Variants in DMRTA1 observed in about 807,000 individuals in gnomAD.
DMRTA1 encodes the protein doublesex- and mab-3-related transcription factor A1.
DMRTA1 carries 34 observed loss-of-function variants against 35.2 expected under a neutral mutation model. The observed-to-expected ratio is 0.97, with a 90% CI of 0.74 to 1.29. The LOEUF (loss-of-function observed/expected upper bound fraction) is 1.29, where lower values mean the gene tolerates loss of function less well. DMRTA1 is among the 50% of genes most tolerant of loss of function. The pLI, the probability that DMRTA1 is intolerant of heterozygous loss-of-function variation, is 0.00. For synonymous variants in DMRTA1, 344 were observed against 276.6 expected, an observed-to-expected ratio of 1.24 and a Z score of -2.42; for missense variants, 824 against 644.6, an observed-to-expected ratio of 1.28 and a Z score of -3.01.
intron 1 of DMRTA1, 23 bp from the exon 2 acceptor site, chr9:22,451,039 ATT>A (rs370079512): frequency 6.3e-7 from 1 of 1,578,844 alleles, no homozygotes; most frequent in Non-Finnish European, 8.6e-7. Context: ...CCTGTATTTG[ATT>A]TTTTTTTCCC....
In DMRTA1 at chr9:22,447,333, G is replaced by A. The variant is rs866228763; in HGVS notation, c.268G>A (p.Gly90Ser). 2.0e-6 allele frequency: 3 copies of A among 1,529,886 alleles called. No homozygotes were observed. The Middle Eastern group carries it at 5.2e-4, about 263-fold the overall frequency. 94.8% of individuals were successfully genotyped at this position (1,529,886 alleles called of 1,614,324 possible). The change falls in exon 1 of 2, where the codon GGC becomes AGC. Residue 90 changes from glycine (G) to serine (S), a missense_variant. By Grantham distance (56) the Gly-to-Ser change is moderately conservative (BLOSUM62 0). Coordinates refer to ENST00000325870, the MANE Select transcript of DMRTA1 (RefSeq NM_022160.3). Reference protein sequence around the residue: ...LESGVGAVGCGYPRTPKCARC... With the variant: ...LESGVGAVGCSYPRTPKCARC... ...GAGCGGGGTAGGCGCGGTGGGCTGCGGCTACCCGCGGACGCCCAAGTGCGC... is the reference window on the plus strand; with the variant it reads ...GAGCGGGGTAGGCGCGGTGGGCTGCAGCTACCCGCGGACGCCCAAGTGCGC...
Position 22,451,251 on chromosome 9 carries a change from A to G in DMRTA1, c.855A>G (p.Gln285=), listed in dbSNP as rs1818921588. ...TCCTGTCTCCTCATCCTGGAGAGCAATCAGGAGGTGAAGAGAGTCCCAGGT... is the reference window on the plus strand; with the variant it reads ...TCCTGTCTCCTCATCCTGGAGAGCAGTCAGGAGGTGAAGAGAGTCCCAGGT... ...DSILSPHPGE[Q]SGGEESPRSL... Residue 285 remains glutamine (Q), a synonymous_variant, in exon 2 of 2, where the codon CAA becomes CAG. Coordinates refer to ENST00000325870, the MANE Select transcript of DMRTA1 (RefSeq NM_022160.3). The G allele has an allele frequency of 1.9e-6, 3 of 1,614,080 alleles. No individual in the cohort carries two copies. The highest frequency in any genetic ancestry group is 1.7e-6 in the Non-Finnish European group (2 of 1,179,948).
At position 22,452,086 on chromosome 9, in the gene DMRTA1, C is replaced by T. The variant is rs200626982; in HGVS notation, c.*175C>T. 2.1e-6 allele frequency: 1 copy of T among 485,044 alleles called. No homozygotes were observed. The highest frequency in any genetic ancestry group is 3.3e-6 in the Non-Finnish European group (1 of 302,646). 30.0% of individuals were successfully genotyped at this position (485,044 alleles called of 1,614,324 possible). On this transcript the variant is annotated 3_prime_UTR_variant, in exon 2 of 2. Coordinates refer to ENST00000325870, the MANE Select transcript of DMRTA1 (RefSeq NM_022160.3). Reference sequence around the variant, plus strand: ...ATATAATAGGTCTTAGATCTGAAAACTCTTCATTAGGATTTATCAAGTGAA... The same window carrying T: ...ATATAATAGGTCTTAGATCTGAAAATTCTTCATTAGGATTTATCAAGTGAA...
chr9:22,447,038 G>A lies in DMRTA1; in HGVS notation c.-28G>A. 6.3e-7 allele frequency: 1 copy of A among 1,597,456 alleles called. No homozygotes were observed. Among genetic ancestry groups the A allele is most frequent in the Non-Finnish European group, 8.5e-7 (1 of 1,172,944 alleles). Reference sequence around the variant, plus strand: ...GCTGCGGTCAGCGCACTTTCCACTTGGGACTCCCGGCCAGAAATTTCTCGG... The same window carrying A: ...GCTGCGGTCAGCGCACTTTCCACTTAGGACTCCCGGCCAGAAATTTCTCGG... On this transcript the variant is annotated 5_prime_UTR_variant, in exon 1 of 2. Coordinates refer to ENST00000325870, the MANE Select transcript of DMRTA1 (RefSeq NM_022160.3).
In DMRTA1 at chr9:22,451,918, T is replaced by A; in HGVS notation, c.*7T>A. Reference sequence around the variant, plus strand: ...AAATCAGGACAATCCGTAATGTATATGCCCATTCTCTCTTTCTGGAGTTTT... The same window carrying A: ...AAATCAGGACAATCCGTAATGTATAAGCCCATTCTCTCTTTCTGGAGTTTT... On this transcript the variant is annotated 3_prime_UTR_variant, in exon 2 of 2. Coordinates refer to ENST00000325870, the MANE Select transcript of DMRTA1 (RefSeq NM_022160.3). 2 of 1,612,584 alleles carry A rather than the reference T, an allele frequency of 1.2e-6. No individual in the cohort carries two copies. The highest frequency in any genetic ancestry group is 1.7e-6 in the Non-Finnish European group (2 of 1,178,896).
rs140941317 is a variant in DMRTA1, at chr9:22,448,781, C to G, written c.667+1049C>G. On this transcript the variant is annotated intron_variant, in intron 1 of 1. Coordinates refer to ENST00000325870, the MANE Select transcript of DMRTA1 (RefSeq NM_022160.3). ...TGAAGTTCTACTCACACAGTACATT[C>G]GAAAAATTCTGTGAATTGAAATGAG... Among the ~76,000 whole-genome samples the G allele has an allele frequency of 2.0e-4, 30 of 152,230 alleles. No individual in the cohort carries two copies. The East Asian group carries it at 2.9e-3, about 15-fold the overall frequency.
rs1040381552 is a variant in DMRTA1, at chr9:22,450,177, A to G, written c.668-887A>G. Among the ~76,000 whole-genome samples, 5 of 152,162 alleles carry G rather than the reference A, an allele frequency of 3.3e-5. No homozygotes were observed. In the South Asian group the frequency reaches 6.2e-4, roughly 19 times the overall value. ...AAAAACCAGAACTTTGTGTAAAAGT[A>G]CTTTTGGAAAATTGCCCCTAACATT... On this transcript the variant is annotated intron_variant, in intron 1 of 1. Coordinates refer to ENST00000325870, the MANE Select transcript of DMRTA1 (RefSeq NM_022160.3).
rs1201112439 is a variant in DMRTA1, at chr9:22,454,960, A to G, written c.*3049A>G. 1 of 152,208 alleles carries G rather than the reference A, an allele frequency of 6.6e-6. No individual in the cohort carries two copies. Among genetic ancestry groups the G allele is most frequent in the South Asian group, 2.1e-4 (1 of 4,836 alleles). 9.4% of individuals were successfully genotyped at this position (152,208 alleles called of 1,614,324 possible). A position where few individuals can be genotyped will look rare whatever the true frequency, so the allele number is the denominator to read the frequency against. Reference sequence around the variant, plus strand: ...ATTTTGTAGCTCATTAGAAACATGGAAAGTATTTGTTAAATAAATAAGTCA... The same window carrying G: ...ATTTTGTAGCTCATTAGAAACATGGGAAGTATTTGTTAAATAAATAAGTCA... On this transcript the variant is annotated 3_prime_UTR_variant, in exon 2 of 2. Coordinates refer to ENST00000325870, the MANE Select transcript of DMRTA1 (RefSeq NM_022160.3).
In DMRTA1 at chr9:22,453,729, AC is replaced by A. The variant is rs1818965813; in HGVS notation, c.*1819del. The A allele has an allele frequency of 6.6e-6, 1 of 152,060 alleles. No individual in the cohort carries two copies. The highest frequency in any genetic ancestry group is 2.4e-5 in the African/African-American group (1 of 41,426). 9.4% of individuals were successfully genotyped at this position (152,060 alleles called of 1,614,324 possible). A position where few individuals can be genotyped will look rare whatever the true frequency, so the allele number is the denominator to read the frequency against. On this transcript the variant is annotated 3_prime_UTR_variant, in exon 2 of 2. Coordinates refer to ENST00000325870, the MANE Select transcript of DMRTA1 (RefSeq NM_022160.3). The stretch of plus-strand genomic sequence containing the variant: ...GACACACAGTTTTGCATACAATTTC[AC>A]TGGGTTCTTGAATCTCCTAAATGGT...
chr9:22,447,300 G>C lies in DMRTA1; in HGVS notation c.235G>C (p.Gly79Arg), dbSNP rs1404241065. 4 of 1,516,118 alleles carry C rather than the reference G, an allele frequency of 2.6e-6. No homozygotes were observed. The highest frequency in any genetic ancestry group is 3.5e-6 in the Non-Finnish European group (4 of 1,137,282). 93.9% of individuals were successfully genotyped at this position (1,516,118 alleles called of 1,614,324 possible). A position where few individuals can be genotyped will look rare whatever the true frequency, so the allele number is the denominator to read the frequency against. ...AAGCGGAGGCTGCCCGCCGGCTCCC[G>C]GGCTGGAGAGCGGGGTAGGCGCGGT... ...SGSGGCPPAP[G>R]LESGVGAVGC... is the part of the protein sequence containing the mutation. The change falls in exon 1 of 2, where the codon GGG (glycine) becomes CGG (arginine). Residue 79 changes from glycine to arginine, a missense_variant. By Grantham distance (125) the Gly-to-Arg change is moderately radical. Coordinates refer to ENST00000325870, the MANE Select transcript of DMRTA1 (RefSeq NM_022160.3).
intron 1 of DMRTA1, among the ~76,000 whole-genome samples, chr9:22,448,428 G>T (rs1316794398): frequency 6.6e-6 from 1 of 152,134 alleles, no homozygotes; most frequent in Admixed American, 6.5e-5. Context: ...TAAAACCATA[G>T]GTAAGAATTT....
rs1175926507 is a variant in DMRTA1, at chr9:22,446,915, G to T, written c.-151G>T. 2.0e-5 allele frequency: 19 copies of T among 963,942 alleles called. No homozygotes were observed. Among genetic ancestry groups the T allele is most frequent in the Non-Finnish European group, 2.7e-5 (18 of 667,344 alleles). The allele number at this position is 963,942 out of a possible 1,614,324, so 59.7% of individuals were successfully genotyped here. On this transcript the variant is annotated 5_prime_UTR_variant, in exon 1 of 2. Coordinates refer to ENST00000325870, the MANE Select transcript of DMRTA1 (RefSeq NM_022160.3). Reference sequence around the variant, plus strand: ...GGACGCGGTCGTCCCAACTCCTTCCGAGTGGAAAGAGTGTAAAACTTTTGT... The same window carrying T: ...GGACGCGGTCGTCCCAACTCCTTCCTAGTGGAAAGAGTGTAAAACTTTTGT...
chr9:22,448,467 C>T (rs1223835385), intron 1 of DMRTA1, among the ~76,000 whole-genome samples: 1 of 152,016 alleles, frequency 6.6e-6, no homozygotes, highest in Non-Finnish European at 1.5e-5. Flanking sequence ...GTTTTTTATC[C>T]AAGGAGTTTT....
Position 22,450,961 on chromosome 9 carries a change from A to G in DMRTA1, c.668-103A>G, listed in dbSNP as rs1204957966. On this transcript the variant is annotated intron_variant, in intron 1 of 1. Transcript: ENST00000325870. ...GAGTGTATAAATATTACTAATTAATAGGAGTGAATTAATTATATTATCCAG... is the reference window on the plus strand; with the variant it reads ...GAGTGTATAAATATTACTAATTAATGGGAGTGAATTAATTATATTATCCAG... 4 of 1,122,760 alleles carry G rather than the reference A, an allele frequency of 3.6e-6. No individual in the cohort carries two copies. In the African/African-American group the frequency reaches 4.8e-5, roughly 13 times the overall value. 69.5% of individuals were successfully genotyped at this position (1,122,760 alleles called of 1,614,324 possible). A position where few individuals can be genotyped will look rare whatever the true frequency, so the allele number is the denominator to read the frequency against.
In DMRTA1 at chr9:22,452,912, G is replaced by T. The variant is rs994299237; in HGVS notation, c.*1001G>T. 5.3e-5 allele frequency: 8 copies of T among 152,172 alleles called. No homozygotes were observed. The highest frequency in any genetic ancestry group is 3.4e-3 in the Middle Eastern group (1 of 294). 9.4% of individuals were successfully genotyped at this position (152,172 alleles called of 1,614,324 possible). On this transcript the variant is annotated 3_prime_UTR_variant, in exon 2 of 2. Transcript: ENST00000325870. The stretch of plus-strand genomic sequence containing the variant: ...CTGCTCAAATAAATATTTATTAACT[G>T]CAGATAGTTGATGCTTAATGCACTG...
chr9:22,447,796 C>G, intron 1 of DMRTA1, 64 bp downstream of exon 1: 2 of 1,589,872 alleles, frequency 1.3e-6, no homozygotes, highest in Non-Finnish European at 1.7e-6. Flanking sequence ...AACTCTGAAA[C>G]AAGCCACCGT....
rs753890033 is a variant in DMRTA1, at chr9:22,452,746, C to T, written c.*835C>T. 6.6e-6 allele frequency: 1 copy of T among 151,992 alleles called. No homozygotes were observed. The highest frequency in any genetic ancestry group is 1.5e-5 in the Non-Finnish European group (1 of 67,964). 9.4% of individuals were successfully genotyped at this position (151,992 alleles called of 1,614,324 possible). A position where few individuals can be genotyped will look rare whatever the true frequency, so the allele number is the denominator to read the frequency against. On this transcript the variant is annotated 3_prime_UTR_variant, in exon 2 of 2. Transcript: ENST00000325870. The stretch of plus-strand genomic sequence containing the variant: ...ATTAAAATTTCCATACTGTAAAGTG[C>T]ACATCTACTGTGGATGAGAGTTGCA...
In DMRTA1 at chr9:22,451,936, G is replaced by A; in HGVS notation, c.*25G>A. 1.2e-6 allele frequency: 2 copies of A among 1,609,708 alleles called. No homozygotes were observed. The highest frequency in any genetic ancestry group is 1.7e-6 in the Non-Finnish European group (2 of 1,177,436). On this transcript the variant is annotated 3_prime_UTR_variant, in exon 2 of 2. Transcript: ENST00000325870. ...ATGTATATGCCCATTCTCTCTTTCT[G>A]GAGTTTTTCCAGCATACAATACATG...
chr9:22,450,927 A>G, intron 1 of DMRTA1, 137 bp from the exon 2 acceptor site: 2 of 881,376 alleles, frequency 2.3e-6, no homozygotes, highest in Non-Finnish European at 3.3e-6. Context: ...TATTCATTAA[A>G]ATGTCTTGGA....
Sources: gnomAD v4.1 joint callset for allele counts (sites outside exome capture counted in the v4.1 genomes callset) on GRCh38, gnomAD v4.1.1 for gene constraint, MANE v1.5 for transcripts, NCBI Gene and HGNC (gene_info 2026-07-23, HGNC 2026-07-21) for gene names.